SYN3: variants seen among roughly 807,000 people sequenced by gnomAD.
The protein encoded by SYN3 is synapsin-3.
In SYN3, 35 loss-of-function variants were observed where a neutral mutation model predicts 65.8. The ratio of observed to expected loss-of-function variants is 0.53; its 90% CI spans 0.41 to 0.70. The LOEUF (loss-of-function observed/expected upper bound fraction) is 0.70, where lower values mean the gene tolerates loss of function less well. SYN3 is among the 30% of genes least tolerant of loss of function. The pLI, the probability that SYN3 is intolerant of heterozygous loss-of-function variation, is 0.00. For synonymous variants in SYN3, 270 were observed against 292.9 expected (o/e 0.92, Z 0.80); for missense variants, 680 against 749.0 (o/e 0.91, Z 1.08).
chr22:33,039,563 T>G (rs751994733), intron 1 of SYN3, among the ~76,000 whole-genome samples: 31 of 151,900 alleles, frequency 2.0e-4, no homozygotes, highest in Non-Finnish European at 4.3e-4. Flanking sequence ...TCCGGCTAAT[T>G]TTTTGTATTT....
intron 6 of SYN3, among the ~76,000 whole-genome samples, chr22:32,787,428 C>T (rs1459476258): frequency 6.6e-6 from 1 of 152,202 alleles, no homozygotes; most frequent in East Asian, 1.9e-4. Flanking sequence ...TCAGATCAGA[C>T]AGACCTCAGT....
intron 6 of SYN3, among the ~76,000 whole-genome samples, chr22:32,688,638 C>T (rs1601917062): frequency 6.6e-6 from 1 of 151,976 alleles, no homozygotes. Flanking sequence ...CGTCTCTGTA[C>T]CCAGTTTTTC....
At chr22:32,660,445 C>A (rs746913656) in intron 6 of SYN3, among the ~76,000 whole-genome samples, 112 of 152,252 alleles carry the variant, frequency 7.4e-4, no homozygotes, top group Non-Finnish European at 1.1e-3. Context: ...TAGCATATTC[C>A]CTAACAGCTG....
intron 3 of SYN3, among the ~76,000 whole-genome samples, chr22:32,977,339 A>C (rs2052229332): frequency 6.6e-6 from 1 of 152,204 alleles, no homozygotes; most frequent in Non-Finnish European, 1.5e-5. Flanking sequence ...CTAAGATAAA[A>C]GGGGAAAATT....
intron 6 of SYN3, among the ~76,000 whole-genome samples, chr22:32,812,604 A>G (rs2046944574): frequency 6.6e-6 from 1 of 152,212 alleles, no homozygotes; most frequent in Admixed American, 6.5e-5. Flanking sequence ...GGCTTTCCTT[A>G]TCCACAGCCT....
chr22:32,964,589 C>T (rs1015996547), intron 3 of SYN3, among the ~76,000 whole-genome samples: 13 of 152,096 alleles, frequency 8.5e-5, no homozygotes, highest in African/African-American at 3.1e-4. Context: ...GTTATGATCA[C>T]AATTCTGCCA....
At chr22:32,756,014 T>C (rs1819800244) in intron 6 of SYN3, among the ~76,000 whole-genome samples, 1 of 148,922 alleles carries the variant, frequency 6.7e-6, no homozygotes, top group Non-Finnish European at 1.5e-5. Context: ...AAGTGGGAGT[T>C]GAACAATGAG....
chr22:33,039,447 C>T (rs1168960085), intron 1 of SYN3, among the ~76,000 whole-genome samples: 1 of 149,266 alleles, frequency 6.7e-6, no homozygotes, highest in African/African-American at 2.5e-5. Context: ...ATGATCTTGG[C>T]TCACTGCAAC....
intron 7 of SYN3, among the ~76,000 whole-genome samples, chr22:32,584,866 G>C (rs1276217828): frequency 6.6e-6 from 1 of 152,166 alleles, no homozygotes; most frequent in African/African-American, 2.4e-5. Context: ...GGTCAGTGCT[G>C]GTCTCAAAGG....
chr22:32,726,953 C>T (rs2061202896), intron 6 of SYN3, among the ~76,000 whole-genome samples: 1 of 150,288 alleles, frequency 6.7e-6, no homozygotes. Context: ...CCAATGCTTG[C>T]ATTGAAACTG....
chr22:33,044,748 C>T (rs2054028211), intron 1 of SYN3, among the ~76,000 whole-genome samples: 1 of 151,924 alleles, frequency 6.6e-6, no homozygotes, highest in African/African-American at 2.4e-5. Flanking sequence ...ATCACCTACA[C>T]AGAATTATTT....
chr22:33,027,862 A>C (rs2053666097), intron 1 of SYN3, among the ~76,000 whole-genome samples: 1 of 152,234 alleles, frequency 6.6e-6, no homozygotes, highest in Non-Finnish European at 1.5e-5. Context: ...TCATCAGTGA[A>C]GAGACAAAGA....
chr22:32,513,587 A>C lies in SYN3; in HGVS notation c.*105T>G. 7.0e-7 allele frequency: 1 copy of C among 1,420,296 alleles called. No homozygotes were observed. Among genetic ancestry groups the C allele is most frequent in the East Asian group, 2.3e-5 (1 of 43,410 alleles). 88.0% of individuals were successfully genotyped at this position (1,420,296 alleles called of 1,614,324 possible). A position where few individuals can be genotyped will look rare whatever the true frequency, so the allele number is the denominator to read the frequency against. ...AAAGGCATTTAGAAAGTATGTTCTC[A>C]GGCCCTCCATTCTGTTCCCATCAGG... On this transcript the variant is annotated 3_prime_UTR_variant, in exon 14 of 14. Coordinates refer to ENST00000358763, the MANE Select transcript of SYN3 (RefSeq NM_003490.4).
chr22:32,765,429 G>C (rs1011686928), intron 6 of SYN3, among the ~76,000 whole-genome samples: 2 of 152,134 alleles, frequency 1.3e-5, no homozygotes, highest in African/African-American at 4.8e-5. Context: ...CCTGTATGCT[G>C]TCATTTTCCT....
At chr22:32,608,694 G>A (rs2059401018) in intron 6 of SYN3, among the ~76,000 whole-genome samples, 1 of 152,166 alleles carries the variant, frequency 6.6e-6, no homozygotes. Context: ...AATATCATTA[G>A]CATCAGTTCC....
chr22:32,608,709 G>C (rs926797638), intron 6 of SYN3, among the ~76,000 whole-genome samples: 2 of 152,146 alleles, frequency 1.3e-5, no homozygotes, highest in African/African-American at 4.8e-5. Flanking sequence ...AGTTCCTATG[G>C]GGATATCCTT....
chr22:32,522,488 C>T (rs2057902386), intron 12 of SYN3, among the ~76,000 whole-genome samples: 1 of 152,078 alleles, frequency 6.6e-6, no homozygotes, highest in South Asian at 2.1e-4. Flanking sequence ...GGGTGTGGGG[C>T]AGAGGCACAG....
chr22:32,957,925 C>T (rs929337375), intron 3 of SYN3, among the ~76,000 whole-genome samples: 7 of 152,206 alleles, frequency 4.6e-5, no homozygotes, highest in African/African-American at 1.2e-4. Flanking sequence ...TAGAGCTTCG[C>T]GCTAACCCAA....
chr22:32,982,464 C>T (rs1370916201), intron 2 of SYN3, among the ~76,000 whole-genome samples: 2 of 152,182 alleles, frequency 1.3e-5, no homozygotes, highest in Non-Finnish European at 2.9e-5. Context: ...ACTGATTCTA[C>T]ATTTTAATTA....
Sources: gnomAD v4.1 joint callset for allele counts (sites outside exome capture counted in the v4.1 genomes callset) on GRCh38, gnomAD v4.1.1 for gene constraint, MANE v1.5 for transcripts, NCBI Gene and HGNC (gene_info 2026-07-23, HGNC 2026-07-21) for gene names.